The following KCNMA1 variants were observed in gnomAD, a reference collection of about 807,000 sequenced individuals.
KCNMA1 encodes Calcium-activated potassium channel subunit alpha-1.
KCNMA1 carries 29 observed loss-of-function variants against 140.0 expected under a neutral mutation model. The observed-to-expected ratio is 0.21, with a 90% confidence interval of 0.15 to 0.28. The LOEUF is 0.28. Among genes scored for constraint, KCNMA1 ranks in the 10% least tolerant of loss-of-function variants. The pLI, the probability that KCNMA1 is intolerant of heterozygous loss-of-function variation, is 1.00. For missense variants in KCNMA1, 880 were observed against 1,602.2 expected (o/e 0.55, Z 7.70); for synonymous variants, 612 against 611.9 (o/e 1.00, Z 0.00).
intron 2 of KCNMA1, among the ~76,000 whole-genome samples, chr10:77,374,581 G>C (rs891235347): frequency 6.6e-6 from 1 of 152,134 alleles, no homozygotes; most frequent in Non-Finnish European, 1.5e-5. Context: ...CAAGGCCTTG[G>C]CATCTTTGGG....
chr10:77,491,009 A>G (rs1296444209), intron 1 of KCNMA1, among the ~76,000 whole-genome samples: 1 of 152,128 alleles, frequency 6.6e-6, no homozygotes, highest in African/African-American at 2.4e-5. Flanking sequence ...CCCTCAATAA[A>G]TGGTTGCTAA....
chr10:77,113,160 G>C (rs987396325), intron 6 of KCNMA1, among the ~76,000 whole-genome samples: 3 of 152,020 alleles, frequency 2.0e-5, no homozygotes, highest in Non-Finnish European at 4.4e-5. Flanking sequence ...CAAGGACAGA[G>C]AGTAAATATT....
At chr10:77,059,231 A>T (rs945201643) in intron 14 of KCNMA1, among the ~76,000 whole-genome samples, 1 of 152,054 alleles carries the variant, frequency 6.6e-6, no homozygotes, top group Non-Finnish European at 1.5e-5. Flanking sequence ...AAAGAAAAAA[A>T]TCTAGGCCCA....
At chr10:77,521,711 C>T (rs924486078) in intron 1 of KCNMA1, among the ~76,000 whole-genome samples, 1 of 152,134 alleles carries the variant, frequency 6.6e-6, no homozygotes, top group Non-Finnish European at 1.5e-5. Context: ...TTATTATATT[C>T]CCTTTCTCCA....
chr10:77,432,758 A>T (rs2097179231), intron 1 of KCNMA1, among the ~76,000 whole-genome samples: 1 of 152,214 alleles, frequency 6.6e-6, no homozygotes, highest in African/African-American at 2.4e-5. Flanking sequence ...AAAAAAAACA[A>T]CAACAAATCA....
intron 1 of KCNMA1, among the ~76,000 whole-genome samples, chr10:77,606,557 T>C (rs1169299200): frequency 1.3e-5 from 2 of 152,116 alleles, no homozygotes; most frequent in South Asian, 2.1e-4. Context: ...CTGCAGTAAG[T>C]TATGACCATG....
At chr10:77,316,243 C>T (rs2080852672) in intron 2 of KCNMA1, among the ~76,000 whole-genome samples, 1 of 152,134 alleles carries the variant, frequency 6.6e-6, no homozygotes, top group Admixed American at 6.5e-5. Flanking sequence ...GCTCAGGAGC[C>T]CTGCTGGGCA....
At chr10:77,556,440 G>A (rs1425737634) in intron 1 of KCNMA1, among the ~76,000 whole-genome samples, 2 of 140,560 alleles carry the variant, frequency 1.4e-5, no homozygotes, top group Non-Finnish European at 3.0e-5. Context: ...GGTAGGCAGA[G>A]GTTGTGGTAA....
At chr10:77,305,358 T>C (rs543921446) in intron 2 of KCNMA1, among the ~76,000 whole-genome samples, 1 of 152,330 alleles carries the variant, frequency 6.6e-6, no homozygotes, top group Admixed American at 6.5e-5. Context: ...TTTATCTTTA[T>C]AATCACCCTT....
intron 1 of KCNMA1, among the ~76,000 whole-genome samples, chr10:77,418,777 C>T (rs16934736): frequency 6.6e-6 from 1 of 152,198 alleles, no homozygotes. Context: ...ACTTGCAACA[C>T]ACCCAGTATA....
At chr10:76,964,070 C>G (rs1473895900) in intron 20 of KCNMA1, among the ~76,000 whole-genome samples, 1 of 151,904 alleles carries the variant, frequency 6.6e-6, no homozygotes, top group Non-Finnish European at 1.5e-5. Flanking sequence ...AATCCTGGCT[C>G]CTGCCTTAAC....
At position 76,925,437 on chromosome 10, in the gene KCNMA1, A is replaced by G. The variant is rs759549132; in HGVS notation, c.2903-10388T>C. Among the ~76,000 whole-genome samples, 4 of 152,214 alleles carry G rather than the reference A, an allele frequency of 2.6e-5. No individual in the cohort carries two copies. In the East Asian group the frequency reaches 7.7e-4, roughly 29 times the overall value. ...TTACTATGCCAGGGAAAAGGCAGATATATACATTACAAGACAATGATATCA... is the reference window on the plus strand; with the variant it reads ...TTACTATGCCAGGGAAAAGGCAGATGTATACATTACAAGACAATGATATCA... On this transcript the variant is annotated intron_variant, in intron 23 of 27. Transcript: ENST00000286628.
intron 19 of KCNMA1, among the ~76,000 whole-genome samples, chr10:76,980,904 C>A (rs371380601): frequency 2.0e-5 from 3 of 152,098 alleles, no homozygotes; most frequent in Non-Finnish European, 4.4e-5. Flanking sequence ...TGGGTCTGAA[C>A]CTAGGTATTT....
intron 20 of KCNMA1, among the ~76,000 whole-genome samples, chr10:76,960,749 C>A (rs2071030968): frequency 6.9e-6 from 1 of 144,570 alleles, no homozygotes; most frequent in African/African-American, 2.5e-5. Context: ...TGAGCTTTGA[C>A]TTCAACTTAA....
intron 6 of KCNMA1, among the ~76,000 whole-genome samples, chr10:77,113,813 A>G (rs911330614): frequency 6.6e-6 from 1 of 152,304 alleles, no homozygotes; most frequent in Non-Finnish European, 1.5e-5. Flanking sequence ...GGTTTACAAC[A>G]TGATATTACC....
At chr10:77,401,511 C>T (rs955735237) in intron 2 of KCNMA1, among the ~76,000 whole-genome samples, 1 of 152,150 alleles carries the variant, frequency 6.6e-6, no homozygotes, top group Non-Finnish European at 1.5e-5. Flanking sequence ...AGGACACTTC[C>T]CCAGACTTTG....
At chr10:77,090,714 A>G (rs2153793371) in intron 9 of KCNMA1, 1 of 599,278 alleles carries the variant, frequency 1.7e-6, no homozygotes, top group East Asian at 2.8e-5. Context: ...CTAGACAGAA[A>G]AGCCATATGG....
chr10:77,126,622 A>G (rs2097738938), intron 5 of KCNMA1, among the ~76,000 whole-genome samples: 1 of 152,066 alleles, frequency 6.6e-6, no homozygotes, highest in African/African-American at 2.4e-5. Context: ...GTGACCTGCT[A>G]AAGGCTCAGA....
intron 14 of KCNMA1, among the ~76,000 whole-genome samples, chr10:77,050,242 T>C (rs1041075757): frequency 6.8e-6 from 1 of 146,842 alleles, no homozygotes; most frequent in Non-Finnish European, 1.5e-5. Flanking sequence ...TCCTAAATTC[T>C]AAAATTGAGG....
Sources: gnomAD v4.1 joint callset for allele counts (sites outside exome capture counted in the v4.1 genomes callset) on GRCh38, gnomAD v4.1.1 for gene constraint, MANE v1.5 for transcripts, NCBI Gene and HGNC (gene_info 2026-07-23, HGNC 2026-07-21) for gene names.